The following OTUD7B variants were observed in gnomAD, a reference collection of about 807,000 sequenced individuals.
OTUD7B encodes OTU domain-containing protein 7B.
Under a neutral mutation model 82.2 loss-of-function variants are expected in OTUD7B, and 34 were observed. The observed-to-expected ratio is 0.41, with a 90% CI of 0.31 to 0.55. The LOEUF (loss-of-function observed/expected upper bound fraction) is 0.55, where lower values mean the gene tolerates loss of function less well. Ranked by LOEUF, OTUD7B falls within the 20% of genes least tolerant of loss-of-function variation. The pLI is 0.20. For synonymous variants in OTUD7B, 398 were observed against 402.7 expected (o/e 0.99, Z 0.14); for missense variants, 944 against 1,062.1 (o/e 0.89, Z 1.55).
the OTUD7B span, among the ~76,000 whole-genome samples, chr1:150,040,831 T>C: frequency 6.6e-6 from 1 of 151,284 alleles, no homozygotes; most frequent in Non-Finnish European, 1.5e-5. Flanking sequence ...TGCCCCAGCC[T>C]CCCAAATAGC....
At chr1:150,042,591 T>C in the OTUD7B span, among the ~76,000 whole-genome samples, 1 of 152,176 alleles carries the variant, frequency 6.6e-6, no homozygotes, top group East Asian at 1.9e-4. Context: ...AGAGAACTAG[T>C]CCTCCACTTT....
At chr1:150,052,199 G>A in the OTUD7B span, among the ~76,000 whole-genome samples, 38 of 152,240 alleles carry the variant, frequency 2.5e-4, no homozygotes, top group African/African-American at 7.5e-4. Context: ...AGCAATAAAC[G>A]GCATCTGAAT....
chr1:149,948,857 A>T, intron 10 of OTUD7B, 112 bp downstream of exon 10: 2 of 706,930 alleles, frequency 2.8e-6, no homozygotes, highest in Non-Finnish European at 5.0e-6. Flanking sequence ...CCCAAAACTC[A>T]TCTTAGCTTG....
the OTUD7B span, among the ~76,000 whole-genome samples, chr1:150,043,398 G>A: frequency 2.6e-5 from 4 of 152,220 alleles, no homozygotes; most frequent in African/African-American, 9.6e-5. Flanking sequence ...CATGAGAGAT[G>A]CCACTTATGT....
chr1:149,970,226 A>AG (rs1649816533), intron 3 of OTUD7B, among the ~76,000 whole-genome samples: 2 of 151,116 alleles, frequency 1.3e-5, no homozygotes, highest in East Asian at 1.9e-4. Flanking sequence ...AGAAAAAAAA[A>AG]AAGTTTCAAG....
At chr1:150,005,570 G>T (rs1652605464) in intron 1 of OTUD7B, among the ~76,000 whole-genome samples, 1 of 151,854 alleles carries the variant, frequency 6.6e-6, no homozygotes, top group African/African-American at 2.4e-5. Context: ...CAGGGATGGA[G>T]AAAAGCAAGT....
chr1:150,007,917 T>C (rs1281114871), intron 1 of OTUD7B, among the ~76,000 whole-genome samples: 1 of 152,210 alleles, frequency 6.6e-6, no homozygotes, highest in Non-Finnish European at 1.5e-5. Flanking sequence ...ATTTTCCCTT[T>C]GGTGGGATGA....
At chr1:150,046,236 CA>C in the OTUD7B span, among the ~76,000 whole-genome samples, 4 of 152,054 alleles carry the variant, frequency 2.6e-5, no homozygotes, top group Non-Finnish European at 5.9e-5. Flanking sequence ...AATCTTCCCC[CA>C]AAACCTGCTT....
At chr1:150,028,871 T>C in the OTUD7B span, among the ~76,000 whole-genome samples, 1 of 152,154 alleles carries the variant, frequency 6.6e-6, no homozygotes, top group African/African-American at 2.4e-5. Flanking sequence ...ATCATACATA[T>C]AGTATTTGTC....
intron 1 of OTUD7B, among the ~76,000 whole-genome samples, chr1:149,992,160 G>A (rs909244672): frequency 3.9e-5 from 6 of 152,162 alleles, no homozygotes; most frequent in Non-Finnish European, 8.8e-5. Flanking sequence ...GGGAGGCGGA[G>A]GTTGCACTGA....
At chr1:150,012,309 G>T (rs1653114007), upstream of OTUD7B, among the ~76,000 whole-genome samples, 1 of 152,050 alleles carries the variant, frequency 6.6e-6, no homozygotes, top group African/African-American at 2.4e-5. Context: ...AGCTGAAAAG[G>T]GTGTCGTTCT....
chr1:150,046,640 G>A, the OTUD7B span, among the ~76,000 whole-genome samples: 1 of 145,754 alleles, frequency 6.9e-6, no homozygotes, highest in East Asian at 2.1e-4. Flanking sequence ...TAGTAGAGAC[G>A]GGGTTCCACC....
chr1:149,978,132 T>C (rs1471560440), intron 1 of OTUD7B, among the ~76,000 whole-genome samples: 1 of 152,226 alleles, frequency 6.6e-6, no homozygotes, highest in Non-Finnish European at 1.5e-5. Context: ...GAATGAACAA[T>C]TACTATACAC....
the OTUD7B span, among the ~76,000 whole-genome samples, chr1:150,041,071 T>A: frequency 6.6e-6 from 1 of 152,264 alleles, no homozygotes; most frequent in East Asian, 1.9e-4. Flanking sequence ...ACATACAATT[T>A]ACCATCTTAA....
chr1:149,982,659 C>T (rs986122665), intron 1 of OTUD7B, among the ~76,000 whole-genome samples: 97 of 151,930 alleles, frequency 6.4e-4, no homozygotes, highest in Non-Finnish European at 5.3e-4. Context: ...TATCCATCTG[C>T]ACAACTCGCC....
At chr1:150,031,216 A>T in the OTUD7B span, among the ~76,000 whole-genome samples, 1 of 152,252 alleles carries the variant, frequency 6.6e-6, no homozygotes, top group African/African-American at 2.4e-5. Context: ...CGATGCCACC[A>T]TATTTTAGAT....
At chr1:150,059,302 C>A in the OTUD7B span, among the ~76,000 whole-genome samples, 3 of 34,656 alleles carry the variant, frequency 8.7e-5, 1 homozygote, top group East Asian at 1.6e-3. Flanking sequence ...ATCCACCCCC[C>A]CCCCCCCCGC....
chr1:150,056,949 C>T, the OTUD7B span, among the ~76,000 whole-genome samples: 1 of 152,236 alleles, frequency 6.6e-6, no homozygotes, highest in Admixed American at 6.5e-5. Context: ...ATAGCTTCAA[C>T]ACATCTCTCC....
chr1:150,051,229 CAAAAAAAAA>C, the OTUD7B span, among the ~76,000 whole-genome samples: 24 of 96,978 alleles, frequency 2.5e-4, no homozygotes, highest in East Asian at 4.9e-3. Flanking sequence ...GACTTCGCCT[CAAAAAAAAA>C]AAAAAAAAAA....
Sources: allele counts gnomAD v4.1 joint callset (sites outside exome capture counted in the v4.1 genomes callset), GRCh38; gene constraint gnomAD v4.1.1; transcripts MANE v1.5; gene names NCBI Gene and HGNC (gene_info 2026-07-23, HGNC 2026-07-21).